The following CCDC192 variants were observed in gnomAD, a reference collection of about 807,000 sequenced individuals.
The protein encoded by CCDC192 is coiled-coil domain containing 192, also known as coiled-coil domain-containing protein 192.
At chr5:127,816,608 C>T (rs770234469) in intron 5 of CCDC192, among the ~76,000 whole-genome samples, 1 of 152,190 alleles carries the variant, frequency 6.6e-6, no homozygotes, top group Non-Finnish European at 1.5e-5. Context: ...CTAGCTGGTA[C>T]CTCTGGCTCT....
intron 3 of CCDC192, among the ~76,000 whole-genome samples, chr5:127,780,245 C>T (rs1756128888): frequency 6.6e-6 from 1 of 152,094 alleles, no homozygotes; most frequent in Non-Finnish European, 1.5e-5. Flanking sequence ...CACAATTTTG[C>T]AATTGTGAAT....
intron 2 of CCDC192, among the ~76,000 whole-genome samples, chr5:127,725,675 C>G (rs1752279441): frequency 1.3e-5 from 2 of 152,256 alleles, no homozygotes; most frequent in East Asian, 1.9e-4. Flanking sequence ...TGGGACAGTG[C>G]TGGTCTGGAG....
intron 5 of CCDC192, among the ~76,000 whole-genome samples, chr5:127,840,216 T>C (rs921088767): frequency 4.6e-5 from 7 of 152,162 alleles, no homozygotes; most frequent in African/African-American, 1.7e-4. Flanking sequence ...CAACATTACA[T>C]AGGATTCTTG....
intron 5 of CCDC192, among the ~76,000 whole-genome samples, chr5:127,814,512 T>C (rs1207837315): frequency 2.0e-5 from 3 of 152,174 alleles, no homozygotes; most frequent in Non-Finnish European, 4.4e-5. Context: ...CTTCACTGAA[T>C]GGAAATGGAG....
chr5:127,812,465 G>A (rs181375870), intron 5 of CCDC192, among the ~76,000 whole-genome samples: 13 of 152,232 alleles, frequency 8.5e-5, no homozygotes, highest in Admixed American at 2.0e-4. Context: ...TCAGTGCATC[G>A]GTGCTGCTGC....
intron 3 of CCDC192, among the ~76,000 whole-genome samples, chr5:127,771,010 G>A (rs1207380032): frequency 2.0e-5 from 3 of 152,116 alleles, no homozygotes; most frequent in African/African-American, 7.2e-5. Context: ...TGACTTTTGA[G>A]CACAATATCT....
At chr5:127,917,501 TAACTATTCC>T (rs1753557767) in intron 6 of CCDC192, among the ~76,000 whole-genome samples, 1 of 152,196 alleles carries the variant, frequency 6.6e-6, no homozygotes, top group Admixed American at 6.5e-5. Flanking sequence ...AAAACAAGTG[TAACTATTCC>T]TTTCACTTGA....
chr5:127,742,717 C>A (rs1753491825), intron 2 of CCDC192, among the ~76,000 whole-genome samples: 1 of 151,968 alleles, frequency 6.6e-6, no homozygotes, highest in African/African-American at 2.4e-5. Context: ...TTCCATGTAC[C>A]ACCATCATTT....
intron 2 of CCDC192, among the ~76,000 whole-genome samples, chr5:127,741,286 C>T (rs995336379): frequency 2.0e-5 from 3 of 152,102 alleles, no homozygotes; most frequent in African/African-American, 7.2e-5. Context: ...TGATCTTGAA[C>T]TCCTGGGCTC....
intron 6 of CCDC192, among the ~76,000 whole-genome samples, chr5:127,938,898 G>C (rs1001772504): frequency 2.6e-5 from 4 of 151,900 alleles, no homozygotes; most frequent in Admixed American, 1.3e-4. Context: ...CTGCCATATG[G>C]ACTCCCTCTC....
chr5:127,813,405 A>G (rs973570939), intron 5 of CCDC192, among the ~76,000 whole-genome samples: 2 of 152,208 alleles, frequency 1.3e-5, no homozygotes, highest in Non-Finnish European at 2.9e-5. Flanking sequence ...CTTTTGCAAA[A>G]TAAAAAAGGA....
In CCDC192 at chr5:127,707,795, A is replaced by G. The variant is rs1580505379; in HGVS notation, c.114+35A>G. ...GAAGTTTGTATGAATTCTTTATTTA[A>G]AAAAATCATTACAGGTAATGAAACT... On this transcript the variant is annotated intron_variant, in intron 2 of 6. Coordinates refer to ENST00000514853, the MANE Select transcript of CCDC192 (RefSeq NM_001317938.2). The G allele has an allele frequency of 1.3e-5, 5 of 398,268 alleles. No individual in the cohort carries two copies. In the East Asian group the frequency reaches 1.8e-4, roughly 14 times the overall value. The allele number at this position is 398,268 out of a possible 1,614,324, so 24.7% of individuals were successfully genotyped here.
At chr5:127,915,480 C>T (rs946090751) in intron 6 of CCDC192, among the ~76,000 whole-genome samples, 12 of 152,320 alleles carry the variant, frequency 7.9e-5, no homozygotes, top group African/African-American at 2.2e-4. Context: ...CTCCCGGGTT[C>T]AAGCAATTCT....
chr5:127,814,018 A>G (rs1232351713), intron 5 of CCDC192, among the ~76,000 whole-genome samples: 1 of 152,196 alleles, frequency 6.6e-6, no homozygotes, highest in Admixed American at 6.5e-5. Context: ...CTCATCCTTC[A>G]GGCTTAGTGG....
In CCDC192 at chr5:127,822,714, A is replaced by T. The variant is rs565104767; in HGVS notation, c.411+24552A>T. Among the ~76,000 whole-genome samples, 9 of 152,276 alleles carry T rather than the reference A, an allele frequency of 5.9e-5. No individual in the cohort carries two copies. The South Asian group carries it at 1.9e-3, about 32-fold the overall frequency. ...CGCTCCCTCAGAGGCTCCAGGAAGG[A>T]CAAAGATCATTCCTTTAGGGGTCCT... On this transcript the variant is annotated intron_variant, in intron 5 of 6. Transcript: ENST00000514853.
At chr5:127,813,332 G>T (rs1758185356) in intron 5 of CCDC192, among the ~76,000 whole-genome samples, 1 of 152,052 alleles carries the variant, frequency 6.6e-6, no homozygotes, top group Non-Finnish European at 1.5e-5. Flanking sequence ...CAGAATTTTT[G>T]AAAATTTAAA....
chr5:127,856,693 T>C (rs1261911707), intron 5 of CCDC192, among the ~76,000 whole-genome samples: 2 of 152,252 alleles, frequency 1.3e-5, no homozygotes, highest in Non-Finnish European at 2.9e-5. Context: ...GGTTATTGAT[T>C]GACCTAATTT....
chr5:127,783,238 C>G (rs1329075968), intron 3 of CCDC192, among the ~76,000 whole-genome samples: 1 of 152,148 alleles, frequency 6.6e-6, no homozygotes, highest in African/African-American at 2.4e-5. Flanking sequence ...TTGTGATCCA[C>G]CCTCCTCGGC....
chr5:127,927,597 T>G (rs1241004529), intron 6 of CCDC192, among the ~76,000 whole-genome samples: 1 of 152,210 alleles, frequency 6.6e-6, no homozygotes, highest in Non-Finnish European at 1.5e-5. Flanking sequence ...ATGGTAGCAA[T>G]TAAATGTTTA....
Sources: allele counts gnomAD v4.1 joint callset (sites outside exome capture counted in the v4.1 genomes callset), GRCh38; gene constraint gnomAD v4.1.1; transcripts MANE v1.5; gene names NCBI Gene and HGNC (gene_info 2026-07-23, HGNC 2026-07-21).